The following HECW2 variants were observed in gnomAD, a reference collection of about 807,000 sequenced individuals.
HECW2 encodes the protein HECT, C2 and WW domain containing E3 ubiquitin protein ligase 2, also known as E3 ubiquitin-protein ligase HECW2.
Under a neutral mutation model 175.2 loss-of-function variants are expected in HECW2, and 61 were observed. That is an observed-to-expected ratio of 0.35 (90% CI 0.28 to 0.43). The LOEUF (loss-of-function observed/expected upper bound fraction) is 0.43. Ranked by LOEUF, HECW2 falls within the 20% of genes least tolerant of loss-of-function variation. The pLI, the probability that HECW2 is intolerant of heterozygous loss-of-function variation, is 1.00. For synonymous variants in HECW2, 671 were observed against 731.0 expected, an observed-to-expected ratio of 0.92 and a Z score of 1.32; for missense variants, 1,524 against 2,000.5, an observed-to-expected ratio of 0.76 and a Z score of 4.54.
chr2:196,387,910 G>GT (rs1165853061), intron 2 of HECW2, among the ~76,000 whole-genome samples: 1 of 152,158 alleles, frequency 6.6e-6, no homozygotes, highest in Non-Finnish European at 1.5e-5. Flanking sequence ...CAGTAAATAA[G>GT]TTTTATCAAA....
intron 1 of HECW2, among the ~76,000 whole-genome samples, chr2:196,524,055 C>G (rs1215487282): frequency 6.8e-6 from 1 of 147,072 alleles, no homozygotes; most frequent in Non-Finnish European, 1.5e-5. Context: ...GGAATGGTAC[C>G]AGTTCCTCCT....
chr2:196,390,080 ATAT>A (rs1460522125), intron 2 of HECW2, among the ~76,000 whole-genome samples: 1 of 152,168 alleles, frequency 6.6e-6, no homozygotes, highest in Non-Finnish European at 1.5e-5. Context: ...TGAAATACTG[ATAT>A]TATGCTCAGA....
rs1363714027 is a variant in HECW2, at chr2:196,199,687, C to A, written c.*1590G>T. On this transcript the variant is annotated 3_prime_UTR_variant, in exon 29 of 29. Coordinates refer to ENST00000644978, the MANE Select transcript of HECW2 (RefSeq NM_001348768.2). ...TATGTCAATCCAATGCTTTTATGAC[C>A]CCCAATTTAACTTCACTCTATTGAA... 1.3e-5 allele frequency: 2 copies of A among 152,110 alleles called. No individual in the cohort carries two copies. The highest frequency in any genetic ancestry group is 2.4e-5 in the African/African-American group (1 of 41,384). The allele number at this position is 152,110 out of a possible 1,614,324, so 9.4% of individuals were successfully genotyped here.
In HECW2 at chr2:196,274,027, G is replaced by T; in HGVS notation, c.3232C>A (p.Pro1078Thr). 1 of 1,608,578 alleles carries T rather than the reference G, an allele frequency of 6.2e-7. No individual in the cohort carries two copies. The highest frequency in any genetic ancestry group is 8.5e-7 in the Non-Finnish European group (1 of 1,174,922). Residue 1078 changes from proline (P) to threonine (T), a missense_variant, in exon 16 of 29, where the codon CCA (proline) becomes ACA (threonine). Transcript: ENST00000644978. ...VSRPQYQDMV[P>T]VAYNDKIVAF... The stretch of plus-strand genomic sequence containing the variant: ...CTGGAAAGGGATGACATACCCACTG[G>T]AACCATGTCCTGGTACTGTGGCCTA...
chr2:196,462,634 A>G (rs1333126574), intron 1 of HECW2, among the ~76,000 whole-genome samples: 2 of 152,174 alleles, frequency 1.3e-5, no homozygotes, highest in Admixed American at 6.5e-5. Flanking sequence ...TGAAATTTTT[A>G]GTAAATTATA....
chr2:196,580,059 T>C (rs1053780968), intron 1 of HECW2, among the ~76,000 whole-genome samples: 3 of 152,186 alleles, frequency 2.0e-5, no homozygotes, highest in African/African-American at 7.2e-5. Context: ...AAATAGACTT[T>C]AAGACAAAAA....
intron 2 of HECW2, among the ~76,000 whole-genome samples, chr2:196,416,644 T>C (rs564153412): frequency 6.6e-5 from 10 of 152,240 alleles, no homozygotes; most frequent in East Asian, 1.9e-4. Flanking sequence ...AAGGGGACAA[T>C]TGAAGCAGCA....
rs142603508 is a variant in HECW2 at position 196,511,720 on chromosome 2, A to G, written c.-35-78262T>C. Among the ~76,000 whole-genome samples the G allele has an allele frequency of 5.9e-4, 90 of 152,340 alleles. No individual in the cohort carries two copies. In the East Asian group the frequency reaches 9.2e-3, roughly 16 times the overall value. On this transcript the variant is annotated intron_variant, in intron 1 of 28. Transcript: ENST00000644978. The stretch of plus-strand genomic sequence containing the variant: ...AGGGGCATTGCAAGGTTAGTATTGC[A>G]TGAGAAAAGTGTGTGATCCAAAGGG...
At chr2:196,297,320 G>C (rs925640683) in intron 13 of HECW2, among the ~76,000 whole-genome samples, 4 of 152,130 alleles carry the variant, frequency 2.6e-5, no homozygotes, top group East Asian at 1.9e-4. Context: ...GCACTTGATG[G>C]TTGAGTGAAT....
At chr2:196,467,244 T>C (rs1696990453) in intron 1 of HECW2, among the ~76,000 whole-genome samples, 1 of 152,232 alleles carries the variant, frequency 6.6e-6, no homozygotes, top group East Asian at 1.9e-4. Flanking sequence ...CCCAAATATC[T>C]CTTCCAATAC....
chr2:196,277,820 C>G (rs1328383705), intron 15 of HECW2, among the ~76,000 whole-genome samples: 2 of 151,750 alleles, frequency 1.3e-5, no homozygotes, highest in Non-Finnish European at 2.9e-5. Flanking sequence ...GAGTTCATGT[C>G]CTTTGTAGGG....
At chr2:196,405,326 G>A (rs1030841633) in intron 2 of HECW2, among the ~76,000 whole-genome samples, 1 of 151,976 alleles carries the variant, frequency 6.6e-6, no homozygotes, top group African/African-American at 2.4e-5. Flanking sequence ...ATCTTGCAGG[G>A]GACTCAATAC....
chr2:196,435,524 C>G (rs1447876428), intron 1 of HECW2, among the ~76,000 whole-genome samples: 3 of 152,152 alleles, frequency 2.0e-5, no homozygotes, highest in African/African-American at 7.2e-5. Context: ...AGGCCACAAC[C>G]CTTATAGCTT....
intron 2 of HECW2, among the ~76,000 whole-genome samples, chr2:196,399,715 T>C (rs1293790176): frequency 5.3e-5 from 8 of 152,258 alleles, no homozygotes; most frequent in East Asian, 1.9e-4. Context: ...TATTGTTCTT[T>C]CTAACCACAC....
rs191274595 is a variant in HECW2, at chr2:196,381,376, G to A, written c.293-37612C>T. On this transcript the variant is annotated intron_variant, in intron 2 of 28. Transcript: ENST00000644978. ...TTTATCTTCATTTCATAATGCTTTG[G>A]TGCCTTAGCTGTTAATAAGTTGTAA... 3.9e-5 allele frequency among the ~76,000 whole-genome samples: 6 copies of A among 152,188 alleles called. No individual in the cohort carries two copies. In the East Asian group the frequency reaches 1.2e-3, roughly 29 times the overall value.
At chr2:196,514,920 C>T (rs1688096341) in intron 1 of HECW2, among the ~76,000 whole-genome samples, 1 of 152,198 alleles carries the variant, frequency 6.6e-6, no homozygotes, top group Non-Finnish European at 1.5e-5. Flanking sequence ...CGCTGTAACA[C>T]AAACAGGGCT....
chr2:196,417,587 T>A (rs145465544), intron 2 of HECW2, among the ~76,000 whole-genome samples: 199 of 152,308 alleles, frequency 1.3e-3, no homozygotes, highest in Non-Finnish European at 2.2e-3. Context: ...CAAAAGAATT[T>A]TATTAGTTGC....
At chr2:196,564,478 TCAGG>T (rs1690111872) in intron 1 of HECW2, among the ~76,000 whole-genome samples, 1 of 152,190 alleles carries the variant, frequency 6.6e-6, no homozygotes, top group African/African-American at 2.4e-5. Flanking sequence ...GTGGAAGTAT[TCAGG>T]CAGGATGTTT....
chr2:196,582,308 C>T (rs765039721), intron 1 of HECW2, among the ~76,000 whole-genome samples: 7 of 152,174 alleles, frequency 4.6e-5, no homozygotes, highest in African/African-American at 9.7e-5. Context: ...ATTCTAGCTA[C>T]GGTTACACTT....
Sources: allele counts gnomAD v4.1 joint callset (sites outside exome capture counted in the v4.1 genomes callset), GRCh38; gene constraint gnomAD v4.1.1; transcripts MANE v1.5; gene names NCBI Gene and HGNC (gene_info 2026-07-23, HGNC 2026-07-21).